PHACTR3: variants seen among roughly 807,000 people sequenced by gnomAD.
PHACTR3 encodes the protein phosphatase and actin regulator 3.
PHACTR3 carries 16 observed loss-of-function variants against 66.8 expected under a neutral mutation model. The observed-to-expected ratio is 0.24, with a 90% confidence interval of 0.16 to 0.36. PHACTR3 has a LOEUF of 0.36. Among genes scored for constraint, PHACTR3 ranks in the 10% least tolerant of loss-of-function variants. The probability of loss-of-function intolerance (pLI) is 1.00; values close to 1 mark genes in which losing one functional copy is unlikely to be tolerated. For missense variants in PHACTR3, 647 were observed against 719.9 expected (o/e 0.90, Z 1.16); for synonymous variants, 323 against 292.1 (o/e 1.11, Z -1.08).
chr20:59,669,158 G>C (rs2146500085), intron 1 of PHACTR3, among the ~76,000 whole-genome samples: 1 of 152,236 alleles, frequency 6.6e-6, no homozygotes, highest in Admixed American at 6.5e-5. Context: ...CTCAGTTTCT[G>C]CAGCTGTAAA....
In PHACTR3 at chr20:59,747,836, G is replaced by A. The variant is rs1225875414; in HGVS notation, c.358+1G>A. ...GGGCTGCTGGAGATGATGGAGCAGG[G>A]TAAGTGGGACCCGTCCCTGGCTTGG... is the stretch of plus-strand genomic sequence containing the variant. On this transcript the variant is annotated splice_donor_variant, in intron 3 of 12. Transcript: ENST00000371015. LOFTEE classifies it high-confidence loss of function. The A allele has an allele frequency of 6.2e-7, 1 of 1,613,718 alleles. No individual in the cohort carries two copies. Among genetic ancestry groups the A allele is most frequent in the Non-Finnish European group, 8.5e-7 (1 of 1,179,870 alleles).
At chr20:59,772,440 G>C (rs2040391105) in intron 5 of PHACTR3, among the ~76,000 whole-genome samples, 1 of 152,202 alleles carries the variant, frequency 6.6e-6, no homozygotes, top group Non-Finnish European at 1.5e-5. Flanking sequence ...CTCCAAGTAA[G>C]AGGAAAAGTG....
intron 1 of PHACTR3, among the ~76,000 whole-genome samples, chr20:59,661,309 G>A (rs1022832828): frequency 2.6e-5 from 4 of 152,196 alleles, no homozygotes; most frequent in Admixed American, 6.5e-5. Flanking sequence ...TCCTGAGCAG[G>A]AGAGAGCAGG....
At chr20:59,800,331 T>C (rs2041374007) in intron 7 of PHACTR3, among the ~76,000 whole-genome samples, 1 of 152,254 alleles carries the variant, frequency 6.6e-6, no homozygotes, top group Non-Finnish European at 1.5e-5. Flanking sequence ...TCATTTCTTA[T>C]AATGCAGGTC....
chr20:59,741,197 T>C lies in PHACTR3; in HGVS notation c.119-1910T>C, dbSNP rs539043769. Among the ~76,000 whole-genome samples the C allele has an allele frequency of 2.0e-5, 3 of 152,376 alleles. No homozygotes were observed. In the East Asian group the frequency reaches 5.8e-4, roughly 29 times the overall value. On this transcript the variant is annotated intron_variant, in intron 1 of 12. Transcript: ENST00000371015. ...CTGGGGCTCTGAGGTCTGCATCAGCTTAGGGCTCCCAGCCCCTTCCACAGG... is the reference window on the plus strand; with the variant it reads ...CTGGGGCTCTGAGGTCTGCATCAGCCTAGGGCTCCCAGCCCCTTCCACAGG...
intron 1 of PHACTR3, among the ~76,000 whole-genome samples, chr20:59,645,565 G>T (rs1231510413): frequency 6.6e-6 from 1 of 152,118 alleles, no homozygotes; most frequent in Non-Finnish European, 1.5e-5. Flanking sequence ...TGCTTGATTT[G>T]ATTCTGAGCG....
chr20:59,638,143 G>A (rs1407003474), intron 1 of PHACTR3, among the ~76,000 whole-genome samples: 1 of 152,212 alleles, frequency 6.6e-6, no homozygotes, highest in Admixed American at 6.5e-5. Context: ...ACCAGGTGGG[G>A]TTCACTGGTA....
At chr20:59,842,283 A>G (rs1293721382) in intron 11 of PHACTR3, among the ~76,000 whole-genome samples, 2 of 152,232 alleles carry the variant, frequency 1.3e-5, no homozygotes, top group Non-Finnish European at 2.9e-5. Flanking sequence ...GAAGACTTAA[A>G]GCCTTTAGGA....
chr20:59,728,415 C>T lies in PHACTR3; in HGVS notation c.119-14692C>T, dbSNP rs1052489841. On this transcript the variant is annotated intron_variant, in intron 1 of 12. Transcript: ENST00000371015. ...TCCACTTCCGGGTATCTAACTAAAA[C>T]AACTGAAAACAGGTATTAGGGGGAA... 2.0e-5 allele frequency among the ~76,000 whole-genome samples: 3 copies of T among 152,222 alleles called. No individual in the cohort carries two copies. The South Asian group carries it at 6.2e-4, about 32-fold the overall frequency.
At chr20:59,635,169 C>CTTTTCTTT (rs1555881178) in intron 1 of PHACTR3, among the ~76,000 whole-genome samples, 1 of 55,340 alleles carries the variant, frequency 1.8e-5, no homozygotes, top group African/African-American at 7.5e-5. Context: ...TTCTTTCTTT[C>CTTTTCTTT]CTTTCTTTCT....
intron 8 of PHACTR3, among the ~76,000 whole-genome samples, chr20:59,825,800 T>C (rs1019712341): frequency 3.3e-5 from 5 of 152,244 alleles, no homozygotes; most frequent in African/African-American, 1.2e-4. Flanking sequence ...GTCTGAATGT[T>C]TGTGTCCTCC....
chr20:59,725,093 G>C (rs200271674), intron 1 of PHACTR3, among the ~76,000 whole-genome samples: 1 of 151,582 alleles, frequency 6.6e-6, no homozygotes, highest in South Asian at 2.1e-4. Flanking sequence ...GCTCAGTAAG[G>C]CTGTGAGCCC....
At chr20:59,817,999 G>A (rs778577484) in intron 8 of PHACTR3, among the ~76,000 whole-genome samples, 26 of 152,174 alleles carry the variant, frequency 1.7e-4, no homozygotes, top group East Asian at 3.9e-4. Flanking sequence ...ATCCTGTAAA[G>A]TGACTGTCAG....
At chr20:59,812,685 G>T (rs917517734) in intron 8 of PHACTR3, among the ~76,000 whole-genome samples, 1 of 152,296 alleles carries the variant, frequency 6.6e-6, no homozygotes, top group South Asian at 2.1e-4. Flanking sequence ...CTGCATGGAC[G>T]GAAATTTTCA....
At chr20:59,734,867 A>C (rs2038892511) in intron 1 of PHACTR3, among the ~76,000 whole-genome samples, 1 of 152,026 alleles carries the variant, frequency 6.6e-6, no homozygotes. Context: ...ATCACTACCT[A>C]CTACCTCCCC....
At chr20:59,803,287 C>G (rs1047260625) in intron 7 of PHACTR3, among the ~76,000 whole-genome samples, 2 of 152,152 alleles carry the variant, frequency 1.3e-5, no homozygotes, top group Non-Finnish European at 2.9e-5. Context: ...TTGCTGTAAA[C>G]ATGTGGTTAA....
At chr20:59,678,173 G>A (rs954148061) in intron 1 of PHACTR3, among the ~76,000 whole-genome samples, 2 of 151,972 alleles carry the variant, frequency 1.3e-5, no homozygotes, top group Admixed American at 6.6e-5. Context: ...GTATGTTTTG[G>A]GTATTAACTC....
At chr20:59,811,327 G>C (rs188270750) in intron 8 of PHACTR3, among the ~76,000 whole-genome samples, 1 of 152,228 alleles carries the variant, frequency 6.6e-6, no homozygotes, top group Non-Finnish European at 1.5e-5. Flanking sequence ...AATGCACCAG[G>C]TGTCTCGGGC....
chr20:59,798,678 A>C (rs559051736), intron 7 of PHACTR3, among the ~76,000 whole-genome samples: 7 of 152,226 alleles, frequency 4.6e-5, no homozygotes, highest in African/African-American at 1.4e-4. Context: ...TCTTCTTAAC[A>C]TCTGTAGAAT....
Sources: gnomAD v4.1 joint callset for allele counts (sites outside exome capture counted in the v4.1 genomes callset) on GRCh38, gnomAD v4.1.1 for gene constraint, MANE v1.5 for transcripts, NCBI Gene and HGNC (gene_info 2026-07-23, HGNC 2026-07-21) for gene names.